The following RGS22 variants were observed in gnomAD, a reference collection of about 807,000 sequenced individuals.
RGS22 encodes the protein regulator of G protein signaling 22, also known as regulator of G-protein signaling 22.
RGS22 carries 148 observed loss-of-function variants against 172.9 expected under a neutral mutation model. The ratio of observed to expected loss-of-function variants is 0.86; its 90% CI spans 0.75 to 0.98. RGS22 has a LOEUF of 0.98. Ranked by LOEUF, RGS22 falls within the 50% of genes least tolerant of loss-of-function variation. The probability of loss-of-function intolerance (pLI) is 0.00; values close to 1 mark genes in which losing one functional copy is unlikely to be tolerated. For missense variants in RGS22, 1,347 were observed against 1,440.8 expected (o/e 0.93, Z 1.05); for synonymous variants, 458 against 480.2 (o/e 0.95, Z 0.60).
chr8:100,083,601 C>T (rs189406992), intron 3 of RGS22, among the ~76,000 whole-genome samples: 24 of 152,092 alleles, frequency 1.6e-4, no homozygotes, highest in African/African-American at 5.3e-4. Flanking sequence ...CTCTTGACCT[C>T]GTGATCCACC....
chr8:100,062,064 T>C (rs1019448303), intron 9 of RGS22, among the ~76,000 whole-genome samples: 3 of 151,976 alleles, frequency 2.0e-5, no homozygotes, highest in Non-Finnish European at 2.9e-5. Context: ...ACCAAATATA[T>C]CATGTTCTCA....
intron 19 of RGS22, among the ~76,000 whole-genome samples, chr8:99,998,919 G>A (rs1814683615): frequency 6.6e-6 from 1 of 152,174 alleles, no homozygotes; most frequent in Non-Finnish European, 1.5e-5. Context: ...CACTTTGGGA[G>A]GCCAAGGCAG....
At chr8:100,042,266 T>C (rs556824998) in intron 11 of RGS22, among the ~76,000 whole-genome samples, 1 of 152,226 alleles carries the variant, frequency 6.6e-6, no homozygotes, top group South Asian at 2.1e-4. Context: ...TTTATTTGTG[T>C]TTTAATAAAA....
chr8:100,066,067 T>G, intron 7 of RGS22, 100 bp downstream of exon 7: 4 of 1,116,032 alleles, frequency 3.6e-6, no homozygotes, highest in Non-Finnish European at 5.0e-6. Context: ...TGTGGATAAT[T>G]TTTTCTCCCC....
intron 14 of RGS22, among the ~76,000 whole-genome samples, chr8:100,035,245 TCAAA>T (rs1371276401): frequency 6.6e-6 from 1 of 151,950 alleles, no homozygotes; most frequent in Non-Finnish European, 1.5e-5. Flanking sequence ...TACGAAGAGC[TCAAA>T]CAAATTTACA....
At chr8:99,973,456 T>C (rs1162946866) in intron 23 of RGS22, among the ~76,000 whole-genome samples, 1 of 151,404 alleles carries the variant, frequency 6.6e-6, no homozygotes, top group Non-Finnish European at 1.5e-5. Flanking sequence ...TAAATGGGAG[T>C]TGAACAATGA....
rs200992361 is a variant in RGS22, at chr8:100,063,581, C to G, written c.1187G>C (p.Ser396Thr). ...ATGAGAAATACACCAGTCCGCCCTG[C>G]TCTCTGGTCCAGCGCTCTCATTCTT... ...SSKNESAGPE[S>T]RADWCISHRT... is the part of the protein sequence containing the mutation. The change falls in exon 8 of 28, where the codon AGC (serine) becomes ACC (threonine). Residue 396 changes from serine to threonine, a missense_variant. Transcript: ENST00000360863. 1 of 1,614,082 alleles carries G rather than the reference C, an allele frequency of 6.2e-7. No homozygotes were observed. Among genetic ancestry groups the G allele is most frequent in the Non-Finnish European group, 8.5e-7 (1 of 1,180,010 alleles).
chr8:99,998,398 T>G, intron 19 of RGS22, among the ~76,000 whole-genome samples: 1 of 67,686 alleles, frequency 1.5e-5, no homozygotes, highest in African/African-American at 3.4e-5. Context: ...TATGTGGCAG[T>G]GTTGAGATTA....
chr8:99,964,642 CTT>C (rs1044079874), intron 24 of RGS22, among the ~76,000 whole-genome samples: 1 of 152,134 alleles, frequency 6.6e-6, no homozygotes, highest in Non-Finnish European at 1.5e-5. Flanking sequence ...TTAGATATCT[CTT>C]TCAGTATACA....
chr8:100,023,822 A>G (rs1817875021), intron 14 of RGS22, among the ~76,000 whole-genome samples: 2 of 152,048 alleles, frequency 1.3e-5, no homozygotes, highest in Admixed American at 1.3e-4. Flanking sequence ...AGCTGCTCAT[A>G]TCTGTTCTGA....
rs1186449512 is a variant in RGS22 at position 99,978,080 on chromosome 8, A to G, written c.3361-5T>C. 3 of 1,500,188 alleles carry G rather than the reference A, an allele frequency of 2.0e-6. No individual in the cohort carries two copies. The highest frequency in any genetic ancestry group is 2.6e-6 in the Non-Finnish European group (3 of 1,132,178). The allele number at this position is 1,500,188 out of a possible 1,614,324, so 92.9% of individuals were successfully genotyped here. ...CAGAACCCCAAAAATTGTCATCTGT[A>G]TAAAAAAAAGTCTAAGATTACAATT... On this transcript the variant is annotated splice_region_variant and splice_polypyrimidine_tract_variant and intron_variant, in intron 22 of 27. Coordinates refer to ENST00000360863, the MANE Select transcript of RGS22 (RefSeq NM_015668.5).
intron 23 of RGS22, among the ~76,000 whole-genome samples, chr8:99,973,587 G>A (rs1811603529): frequency 6.6e-6 from 1 of 151,968 alleles, no homozygotes; most frequent in Non-Finnish European, 1.5e-5. Context: ...CCTAGATGAC[G>A]TGGCCAGGCA....
At chr8:100,075,251 T>G (rs1586215865) in intron 4 of RGS22, among the ~76,000 whole-genome samples, 1 of 152,172 alleles carries the variant, frequency 6.6e-6, no homozygotes, top group Non-Finnish European at 1.5e-5. Context: ...AGCGAATCCC[T>G]CATGAATGTC....
In RGS22 at chr8:100,004,118, C is replaced by T; in HGVS notation, c.2455-20G>A. On this transcript the variant is annotated intron_variant, in intron 16 of 27. Coordinates refer to ENST00000360863, the MANE Select transcript of RGS22 (RefSeq NM_015668.5). ...GGTGTCCTAGTGAAATAGTACTTTTCAGCAAAAATCTCTTAAACACAACAG... is the reference window on the plus strand; with the variant it reads ...GGTGTCCTAGTGAAATAGTACTTTTTAGCAAAAATCTCTTAAACACAACAG... 1 of 1,561,246 alleles carries T rather than the reference C, an allele frequency of 6.4e-7. No homozygotes were observed. The highest frequency in any genetic ancestry group is 2.3e-5 in the East Asian group (1 of 43,332).
chr8:100,092,502 A>G (rs1330609559), intron 3 of RGS22, among the ~76,000 whole-genome samples: 1 of 152,146 alleles, frequency 6.6e-6, no homozygotes, highest in Non-Finnish European at 1.5e-5. Flanking sequence ...TTATCTTGAG[A>G]GTGGGTTGGT....
chr8:100,049,132 C>G (rs959163927), intron 10 of RGS22, among the ~76,000 whole-genome samples: 2 of 151,908 alleles, frequency 1.3e-5, no homozygotes, highest in African/African-American at 4.8e-5. Flanking sequence ...GGTGGGGAAA[C>G]AAAAACAAAA....
intron 23 of RGS22, among the ~76,000 whole-genome samples, chr8:99,966,917 T>C (rs905986124): frequency 1.3e-5 from 2 of 152,164 alleles, no homozygotes; most frequent in Non-Finnish European, 2.9e-5. Context: ...TTGACTATTA[T>C]AGGTACCTCA....
intron 14 of RGS22, among the ~76,000 whole-genome samples, chr8:100,016,634 G>A (rs1016266817): frequency 4.4e-4 from 67 of 152,076 alleles, no homozygotes; most frequent in African/African-American, 1.5e-3. Flanking sequence ...AAAATTAGCC[G>A]GGCATGGTGG....
chr8:100,078,007 G>C (rs1811478939), intron 4 of RGS22, among the ~76,000 whole-genome samples: 1 of 152,020 alleles, frequency 6.6e-6, no homozygotes, highest in Admixed American at 6.6e-5. Context: ...CTTGTTCTGA[G>C]GGGTGCTTTG....
Sources: allele counts gnomAD v4.1 joint callset (sites outside exome capture counted in the v4.1 genomes callset), GRCh38; gene constraint gnomAD v4.1.1; transcripts MANE v1.5; gene names NCBI Gene and HGNC (gene_info 2026-07-23, HGNC 2026-07-21).